Variants in CNTNAP5 observed in about 807,000 individuals in gnomAD.
The protein encoded by CNTNAP5 is contactin-associated protein-like 5.
Under a neutral mutation model 150.2 loss-of-function variants are expected in CNTNAP5, and 72 were observed. The observed-to-expected ratio is 0.48, with a 90% CI of 0.40 to 0.58. CNTNAP5 has a LOEUF of 0.58. Among genes scored for constraint, CNTNAP5 ranks in the 20% least tolerant of loss-of-function variants. The pLI, the probability that CNTNAP5 is intolerant of heterozygous loss-of-function variation, is 0.00. For missense variants in CNTNAP5, 1,636 were observed against 1,626.2 expected (o/e 1.01, Z -0.10); for synonymous variants, 672 against 619.8 (o/e 1.08, Z -1.25).
Position 124,790,012 on chromosome 2 carries a change from C to T in CNTNAP5, c.2863C>T (p.Pro955Ser), listed in dbSNP as rs541671672. ...ERAKVTSGVR[P>S]GCPGHCSSYG... The stretch of plus-strand genomic sequence containing the variant: ...GGCAAAGGTCACATCTGGAGTCAGG[C>T]CAGGCTGCCCCGGCCACTGCAGCAG... Residue 955 changes from proline to serine, a missense_variant, in exon 18 of 24, where the codon CCA becomes TCA. Physicochemically the swap from Pro to Ser is moderately conservative, Grantham distance 74. Transcript: ENST00000682447. 215 of 1,613,934 alleles carry T rather than the reference C, an allele frequency of 1.3e-4. No individual in the cohort carries two copies. In the East Asian group the frequency reaches 4.3e-3, roughly 33 times the overall value.
intron 1 of CNTNAP5, among the ~76,000 whole-genome samples, chr2:124,207,373 T>G (rs148315031): frequency 4.6e-5 from 7 of 152,334 alleles, no homozygotes; most frequent in Admixed American, 1.3e-4. Flanking sequence ...AAGCTAAACT[T>G]AACCTTGTTC....
rs117661864 is a variant in CNTNAP5, at chr2:124,372,138, T to C, written c.382-45305T>C. 9.4e-4 allele frequency among the ~76,000 whole-genome samples: 143 copies of C among 152,114 alleles called. No homozygotes were observed. The East Asian group carries it at 0.023, about 24-fold the overall frequency. On this transcript the variant is annotated intron_variant, in intron 3 of 23. Coordinates refer to ENST00000682447, the MANE Select transcript of CNTNAP5 (RefSeq NM_001367498.1). ...TCAGTTTTGCAGCGCTTCCTCTCTA[T>C]CTTCCTTCCCCAGTGAGATGAATTT...
At chr2:124,293,079 C>A (rs1361537253) in intron 3 of CNTNAP5, among the ~76,000 whole-genome samples, 1 of 151,862 alleles carries the variant, frequency 6.6e-6, no homozygotes, top group Non-Finnish European at 1.5e-5. Flanking sequence ...TGTTTTATTT[C>A]TTAAGTTTAA....
intron 4 of CNTNAP5, among the ~76,000 whole-genome samples, chr2:124,426,082 G>A (rs1692231478): frequency 6.6e-6 from 1 of 152,092 alleles, no homozygotes; most frequent in African/African-American, 2.4e-5. Context: ...TTATGAGAAG[G>A]CGAGTCTTAC....
chr2:124,851,282 G>T (rs139477675), intron 19 of CNTNAP5, among the ~76,000 whole-genome samples: 2 of 152,130 alleles, frequency 1.3e-5, no homozygotes, highest in African/African-American at 4.8e-5. Context: ...CTTGAACCCT[G>T]GAGGCAGAGG....
intron 8 of CNTNAP5, among the ~76,000 whole-genome samples, chr2:124,511,424 C>T (rs1490419437): frequency 6.6e-6 from 1 of 152,118 alleles, no homozygotes; most frequent in Non-Finnish European, 1.5e-5. Flanking sequence ...TTTTGTAGTG[C>T]TTCTCAAAAT....
chr2:124,039,071 A>G (rs189235243), intron 1 of CNTNAP5, among the ~76,000 whole-genome samples: 1 of 152,350 alleles, frequency 6.6e-6, no homozygotes. Context: ...GCTACCATTC[A>G]TATGAGTGTC....
intron 1 of CNTNAP5, among the ~76,000 whole-genome samples, chr2:124,111,125 G>A (rs576250467): frequency 1.3e-5 from 2 of 152,286 alleles, no homozygotes; most frequent in South Asian, 4.1e-4. Flanking sequence ...TCAGATGCCT[G>A]TTATTATCTG....
At chr2:124,814,692 A>T (rs1302374926) in intron 19 of CNTNAP5, among the ~76,000 whole-genome samples, 7 of 152,216 alleles carry the variant, frequency 4.6e-5, no homozygotes, top group African/African-American at 1.7e-4. Flanking sequence ...AAGAAAAAGA[A>T]GAAATTAAAT....
At chr2:124,706,044 T>G (rs949152451) in intron 13 of CNTNAP5, among the ~76,000 whole-genome samples, 1 of 152,146 alleles carries the variant, frequency 6.6e-6, no homozygotes, top group African/African-American at 2.4e-5. Flanking sequence ...ATTGCTGTTG[T>G]TGGGTCCAGA....
At chr2:124,827,888 T>G (rs1397829338) in intron 19 of CNTNAP5, among the ~76,000 whole-genome samples, 12 of 152,192 alleles carry the variant, frequency 7.9e-5, no homozygotes, top group Non-Finnish European at 2.9e-5. Context: ...TCTGTTTTCT[T>G]GGACCAAGGC....
chr2:124,843,699 A>G (rs1360766154), intron 19 of CNTNAP5, among the ~76,000 whole-genome samples: 1 of 151,780 alleles, frequency 6.6e-6, no homozygotes, highest in Non-Finnish European at 1.5e-5. Context: ...GATTATGGCT[A>G]TTGCAGGAGT....
intron 3 of CNTNAP5, among the ~76,000 whole-genome samples, chr2:124,402,599 G>T (rs1691456443): frequency 6.6e-6 from 1 of 152,168 alleles, no homozygotes; most frequent in South Asian, 2.1e-4. Flanking sequence ...AGCAAGCAGG[G>T]TGGCAAGTGG....
intron 1 of CNTNAP5, among the ~76,000 whole-genome samples, chr2:124,088,713 T>A (rs1467835775): frequency 1.3e-5 from 2 of 152,128 alleles, no homozygotes; most frequent in Non-Finnish European, 2.9e-5. Context: ...CTGCCAAGCA[T>A]GGATGAAAAT....
intron 18 of CNTNAP5, 44 bp downstream of exon 18, chr2:124,790,185 AC>A: frequency 6.5e-7 from 1 of 1,543,020 alleles, no homozygotes; most frequent in Non-Finnish European, 8.7e-7. Context: ...GTGCTGTATC[AC>A]CTATACGCTA....
chr2:124,588,214 TTCTTTCTTTCTTTC>T (rs1696597827), intron 11 of CNTNAP5, among the ~76,000 whole-genome samples: 2 of 148,552 alleles, frequency 1.3e-5, no homozygotes, highest in Admixed American at 1.4e-4. Flanking sequence ...CTTTCTTTCT[TTCTTTCTTTCTTTC>T]TTTCTTTCTT....
At chr2:124,604,948 A>G (rs1181790269) in intron 11 of CNTNAP5, among the ~76,000 whole-genome samples, 1 of 152,122 alleles carries the variant, frequency 6.6e-6, no homozygotes, top group Non-Finnish European at 1.5e-5. Flanking sequence ...TACCCTATTG[A>G]TCCATTTCAT....
At chr2:124,706,792 AAGAAGGAGGAGG>A (rs1392723660) in intron 13 of CNTNAP5, among the ~76,000 whole-genome samples, 18 of 24,568 alleles carry the variant, frequency 7.3e-4, no homozygotes, top group African/African-American at 2.2e-3. Flanking sequence ...GAAGAAGAAG[AAGAAGGAGGAGG>A]AGGAGGAGGA....
intron 3 of CNTNAP5, among the ~76,000 whole-genome samples, chr2:124,414,722 C>CGTGT (rs58485169): frequency 0.14 from 21,347 of 149,694 alleles, 1,670 homozygotes; most frequent in Non-Finnish European, 0.19. Context: ...TGTGTGTGTG[C>CGTGT]GTGTGTGTGT....
Sources: allele counts gnomAD v4.1 joint callset (sites outside exome capture counted in the v4.1 genomes callset), GRCh38; gene constraint gnomAD v4.1.1; transcripts MANE v1.5; gene names NCBI Gene and HGNC (gene_info 2026-07-23, HGNC 2026-07-21).